The following ENTHD1 variants were observed in gnomAD, a reference collection of about 807,000 sequenced individuals.
The protein encoded by ENTHD1 is ENTH domain-containing protein 1.
Under a neutral mutation model 39.1 loss-of-function variants are expected in ENTHD1, and 23 were observed. That is an observed-to-expected ratio of 0.59 (90% CI 0.42 to 0.83). The LOEUF is 0.83. Ranked by LOEUF, ENTHD1 falls within the 40% of genes least tolerant of loss-of-function variation. The pLI is 0.00. For synonymous variants in ENTHD1, 230 were observed against 258.2 expected (o/e 0.89, Z 1.05); for missense variants, 624 against 705.4 (o/e 0.88, Z 1.31).
At chr22:39,869,711 T>C (rs2066222983) in intron 2 of ENTHD1, among the ~76,000 whole-genome samples, 1 of 151,750 alleles carries the variant, frequency 6.6e-6, no homozygotes, top group East Asian at 1.9e-4. Context: ...TAGGATCTTC[T>C]ATGGAATCTA....
intron 2 of ENTHD1, among the ~76,000 whole-genome samples, chr22:39,884,091 G>T (rs1232215183): frequency 1.3e-5 from 2 of 151,978 alleles, no homozygotes; most frequent in East Asian, 3.8e-4. Context: ...AAAGATTGGA[G>T]AAATTAGTAT....
chr22:39,829,629 A>G (rs573878031), intron 4 of ENTHD1, among the ~76,000 whole-genome samples: 1 of 152,022 alleles, frequency 6.6e-6, no homozygotes, highest in East Asian at 1.9e-4. Flanking sequence ...TGTCTCTACT[A>G]AAAATACAAA....
intron 5 of ENTHD1, among the ~76,000 whole-genome samples, chr22:39,797,559 A>G (rs563830675): frequency 6.6e-6 from 1 of 152,074 alleles, no homozygotes; most frequent in South Asian, 2.1e-4. Context: ...CATGGTTTTC[A>G]TGATGGTAGA....
chr22:39,887,252 G>C (rs2066386002), intron 2 of ENTHD1, 148 bp downstream of exon 2: 1 of 649,652 alleles, frequency 1.5e-6, no homozygotes, highest in Admixed American at 3.3e-5. Context: ...CCAGGCCGGA[G>C]TACAGTGGCT....
intron 5 of ENTHD1, among the ~76,000 whole-genome samples, chr22:39,796,737 G>A (rs1301194737): frequency 6.6e-6 from 1 of 152,136 alleles, no homozygotes; most frequent in African/African-American, 2.4e-5. Flanking sequence ...GGTCTGAAAA[G>A]ACATTTCATA....
intron 3 of ENTHD1, among the ~76,000 whole-genome samples, chr22:39,855,047 T>C (rs1180755544): frequency 1.3e-5 from 2 of 152,238 alleles, no homozygotes; most frequent in African/African-American, 4.8e-5. Flanking sequence ...AACACTACTG[T>C]TTCCTCATTT....
rs1300261305 is a variant in ENTHD1, at chr22:39,743,329, G to C, written c.*350C>G. On this transcript the variant is annotated 3_prime_UTR_variant, in exon 7 of 7. Transcript: ENST00000325157. ...GTTGAAAGATAAAGAGCTTCTTCCT[G>C]CCTCCTTATCCAAAAGCTCTTGAAT... The C allele has an allele frequency of 1.1e-5, 2 of 180,340 alleles. No homozygotes were observed. The highest frequency in any genetic ancestry group is 4.8e-5 in the African/African-American group (2 of 41,926). 11.2% of individuals were successfully genotyped at this position (180,340 alleles called of 1,614,324 possible).
Position 39,744,235 on chromosome 22 carries a change from G to T in ENTHD1, c.1268C>A (p.Ser423Ter). 1 of 1,613,252 alleles carries T rather than the reference G, an allele frequency of 6.2e-7. No homozygotes were observed. Among genetic ancestry groups the T allele is most frequent in the South Asian group, 1.1e-5 (1 of 90,798 alleles). ...GASSFSPLSMSSPDLASPEKS... is the reference protein window; with the variant it reads ...GASSFSPLSM ...CTCTGGAGAGGCTAAATCAGGAGAT[G>T]ACATGGATAAAGGAGAAAAGGAAGA... The change falls in exon 7 of 7, where the codon TCA becomes TAA. Residue 423 changes from serine to a stop codon, truncating the protein, a stop_gained. Coordinates refer to ENST00000325157, the MANE Select transcript of ENTHD1 (RefSeq NM_152512.4). LOFTEE classifies it low-confidence loss of function (END_TRUNC).
chr22:39,804,359 G>A (rs1276494366), intron 5 of ENTHD1, among the ~76,000 whole-genome samples: 2 of 150,006 alleles, frequency 1.3e-5, no homozygotes, highest in African/African-American at 4.9e-5. Context: ...GGTGGCACAT[G>A]CCTCTAGTCC....
At chr22:39,784,541 T>TATACACAC (rs1555925602) in intron 5 of ENTHD1, among the ~76,000 whole-genome samples, 1 of 115,270 alleles carries the variant, frequency 8.7e-6, no homozygotes, top group African/African-American at 3.6e-5. Context: ...TCTCTCTCTG[T>TATACACAC]ATACACACAC....
intron 5 of ENTHD1, among the ~76,000 whole-genome samples, chr22:39,803,039 C>T (rs1032522211): frequency 1.3e-5 from 2 of 152,170 alleles, no homozygotes; most frequent in African/African-American, 4.8e-5. Flanking sequence ...TTATCCTCCC[C>T]AATTTGTGTT....
chr22:39,856,865 A>AG (rs1185712352), intron 3 of ENTHD1, among the ~76,000 whole-genome samples: 3 of 149,316 alleles, frequency 2.0e-5, no homozygotes, highest in African/African-American at 5.0e-5. Context: ...AAAAAAAAAA[A>AG]AAAGAAAGAA....
At chr22:39,816,608 G>A (rs1489292949) in intron 5 of ENTHD1, among the ~76,000 whole-genome samples, 1 of 152,158 alleles carries the variant, frequency 6.6e-6, no homozygotes. Flanking sequence ...AATAAATGTT[G>A]AGACAACTGG....
At chr22:39,869,993 T>A (rs529056650) in intron 2 of ENTHD1, among the ~76,000 whole-genome samples, 1 of 148,958 alleles carries the variant, frequency 6.7e-6, no homozygotes, top group African/African-American at 2.5e-5. Flanking sequence ...CTTTATTTAT[T>A]TATTTATTTA....
At chr22:39,861,346 C>G (rs1198148577) in intron 3 of ENTHD1, among the ~76,000 whole-genome samples, 1 of 152,170 alleles carries the variant, frequency 6.6e-6, no homozygotes, top group Non-Finnish European at 1.5e-5. Context: ...TCGAGACCAG[C>G]CTGGGCAACA....
chr22:39,796,897 G>A (rs560016342), intron 5 of ENTHD1, among the ~76,000 whole-genome samples: 4 of 152,306 alleles, frequency 2.6e-5, no homozygotes, highest in African/African-American at 9.6e-5. Flanking sequence ...AGTCTAAAGT[G>A]TAGTTAAAAT....
At chr22:39,757,534 G>A (rs988425037) in intron 6 of ENTHD1, among the ~76,000 whole-genome samples, 5 of 152,066 alleles carry the variant, frequency 3.3e-5, no homozygotes, top group Non-Finnish European at 7.4e-5. Flanking sequence ...AAAATTAGCT[G>A]GGCATGGTGG....
At chr22:39,807,890 T>C (rs566642310) in intron 5 of ENTHD1, among the ~76,000 whole-genome samples, 20 of 142,142 alleles carry the variant, frequency 1.4e-4, no homozygotes, top group African/African-American at 4.8e-4. Context: ...TATACGTACG[T>C]GTGTGTGTGT....
intron 4 of ENTHD1, among the ~76,000 whole-genome samples, chr22:39,823,695 C>T (rs1246439285): frequency 6.6e-6 from 1 of 152,100 alleles, no homozygotes; most frequent in East Asian, 1.9e-4. Flanking sequence ...AGAGCAATTG[C>T]TGTTCATATA....
Sources: allele counts gnomAD v4.1 joint callset (sites outside exome capture counted in the v4.1 genomes callset), GRCh38; gene constraint gnomAD v4.1.1; transcripts MANE v1.5; gene names NCBI Gene and HGNC (gene_info 2026-07-23, HGNC 2026-07-21).